The following TMEM108 variants were observed in gnomAD, a reference collection of about 807,000 sequenced individuals.
TMEM108 encodes the protein cancer/testis antigen 124.
In TMEM108, 12 loss-of-function variants were observed where a neutral mutation model predicts 35.1. That is an observed-to-expected ratio of 0.34 (90% CI 0.22 to 0.55). The LOEUF (loss-of-function observed/expected upper bound fraction) is 0.55, where lower values mean the gene tolerates loss of function less well. Ranked by LOEUF, TMEM108 falls within the 20% of genes least tolerant of loss-of-function variation. The pLI is 0.89. For missense variants in TMEM108, 680 were observed against 753.3 expected, an observed-to-expected ratio of 0.90 and a Z score of 1.14; for synonymous variants, 287 against 308.6, an observed-to-expected ratio of 0.93 and a Z score of 0.73.
intron 4 of TMEM108, among the ~76,000 whole-genome samples, chr3:133,381,604 C>T (rs2073014332): frequency 1.3e-5 from 2 of 152,212 alleles, no homozygotes; most frequent in Admixed American, 1.3e-4. Flanking sequence ...GGCACCAAGA[C>T]ACCGTAGGTC....
chr3:133,054,876 A>G (rs1943447515), intron 2 of TMEM108, among the ~76,000 whole-genome samples: 1 of 152,234 alleles, frequency 6.6e-6, no homozygotes, highest in Non-Finnish European at 1.5e-5. Flanking sequence ...GGCACCACAT[A>G]CAGAGAACAA....
intron 3 of TMEM108, among the ~76,000 whole-genome samples, chr3:133,356,953 C>T (rs1454763470): frequency 6.6e-6 from 1 of 151,998 alleles, no homozygotes; most frequent in Non-Finnish European, 1.5e-5. Flanking sequence ...GCAACAAAAA[C>T]ATAAATAAAT....
chr3:133,382,660 CAA>C (rs1162301370), intron 4 of TMEM108, among the ~76,000 whole-genome samples: 1 of 152,232 alleles, frequency 6.6e-6, no homozygotes, highest in Non-Finnish European at 1.5e-5. Context: ...GCCCTGATCT[CAA>C]GAGGAACAAA....
At chr3:133,315,239 G>T (rs181760905) in intron 3 of TMEM108, among the ~76,000 whole-genome samples, 22 of 152,240 alleles carry the variant, frequency 1.4e-4, no homozygotes, top group Admixed American at 8.5e-4. Flanking sequence ...AGTAACCAGT[G>T]GTTCAGTAAC....
At chr3:133,070,094 T>C (rs1419559906) in intron 2 of TMEM108, among the ~76,000 whole-genome samples, 1 of 152,122 alleles carries the variant, frequency 6.6e-6, no homozygotes, top group Non-Finnish European at 1.5e-5. Context: ...ACAGAGCACT[T>C]GTTTCTTTTC....
chr3:133,319,878 A>G (rs2071244761), intron 3 of TMEM108, among the ~76,000 whole-genome samples: 1 of 152,226 alleles, frequency 6.6e-6, no homozygotes, highest in Non-Finnish European at 1.5e-5. Context: ...ATGGGACAAA[A>G]GAATCTGAAG....
intron 2 of TMEM108, among the ~76,000 whole-genome samples, chr3:133,227,355 G>T (rs376483569): frequency 2.7e-5 from 4 of 150,430 alleles, no homozygotes; most frequent in East Asian, 2.0e-4. Flanking sequence ...CACCTCGCCC[G>T]GCTAATTTTT....
chr3:133,224,770 A>G (rs6762234), intron 2 of TMEM108, among the ~76,000 whole-genome samples: 118,577 of 152,060 alleles, frequency 0.78, 46,585 homozygotes, highest in East Asian at 0.94. Flanking sequence ...TTTATCAGCA[A>G]CATGAAAGCA....
intron 2 of TMEM108, among the ~76,000 whole-genome samples, chr3:133,081,481 G>A (rs1182675452): frequency 6.6e-6 from 1 of 152,250 alleles, no homozygotes; most frequent in South Asian, 2.1e-4. Flanking sequence ...TCACATTAGG[G>A]CTTCAACATA....
At chr3:133,251,700 C>T (rs1946474085) in intron 3 of TMEM108, among the ~76,000 whole-genome samples, 1 of 152,060 alleles carries the variant, frequency 6.6e-6, no homozygotes, top group South Asian at 2.1e-4. Flanking sequence ...TTGCTCCTAT[C>T]CCACTGTCTA....
intron 2 of TMEM108, among the ~76,000 whole-genome samples, chr3:133,104,737 C>T (rs1944128527): frequency 6.6e-6 from 1 of 152,154 alleles, no homozygotes; most frequent in African/African-American, 2.4e-5. Flanking sequence ...TTGGGGAAAA[C>T]TCTCAGTGTT....
At chr3:133,070,793 G>T (rs1280974282) in intron 2 of TMEM108, among the ~76,000 whole-genome samples, 2 of 151,738 alleles carry the variant, frequency 1.3e-5, no homozygotes, top group Non-Finnish European at 2.9e-5. Context: ...GTTTGTGTGA[G>T]TGTGTTTAAC....
chr3:133,176,415 G>T (rs944784477), intron 2 of TMEM108, among the ~76,000 whole-genome samples: 1 of 152,096 alleles, frequency 6.6e-6, no homozygotes, highest in Admixed American at 6.5e-5. Context: ...TGACCACATA[G>T]TTGGAAGTAA....
At chr3:133,188,901 A>G (rs377419166) in intron 2 of TMEM108, among the ~76,000 whole-genome samples, 30 of 152,306 alleles carry the variant, frequency 2.0e-4, no homozygotes, top group African/African-American at 6.7e-4. Context: ...ATCTTCTGAA[A>G]TCAGCATTTC....
intron 3 of TMEM108, among the ~76,000 whole-genome samples, chr3:133,333,602 CTT>C (rs2071430185): frequency 6.6e-6 from 1 of 152,056 alleles, no homozygotes; most frequent in Non-Finnish European, 1.5e-5. Context: ...AAGAATAAGA[CTT>C]TATTAACAGA....
chr3:133,342,016 A>G (rs916980203), intron 3 of TMEM108, among the ~76,000 whole-genome samples: 1 of 151,938 alleles, frequency 6.6e-6, no homozygotes, highest in African/African-American at 2.4e-5. Context: ...AGGCAACCAA[A>G]GCAAAAAGAA....
chr3:133,217,812 T>G (rs1452634225), intron 2 of TMEM108, among the ~76,000 whole-genome samples: 2 of 152,088 alleles, frequency 1.3e-5, no homozygotes, highest in African/African-American at 2.4e-5. Context: ...CAAACAGTTT[T>G]GATTACTATA....
At chr3:133,265,358 T>C (rs932143860) in intron 3 of TMEM108, among the ~76,000 whole-genome samples, 3 of 152,160 alleles carry the variant, frequency 2.0e-5, no homozygotes, top group African/African-American at 7.2e-5. Flanking sequence ...TCCCAACCTG[T>C]TGGTAGGCAG....
chr3:133,392,495 T>C (rs1229884817), intron 5 of TMEM108, among the ~76,000 whole-genome samples: 1 of 152,152 alleles, frequency 6.6e-6, no homozygotes, highest in African/African-American at 2.4e-5. Context: ...GTCCCATGAC[T>C]TAAATACCAT....
Sources: gnomAD v4.1 joint callset for allele counts (sites outside exome capture counted in the v4.1 genomes callset) on GRCh38, gnomAD v4.1.1 for gene constraint, MANE v1.5 for transcripts, NCBI Gene and HGNC (gene_info 2026-07-23, HGNC 2026-07-21) for gene names.